VPS13A: variants seen among roughly 807,000 people sequenced by gnomAD.
VPS13A encodes the protein vacuolar protein sorting 13 homolog A.
A neutral mutation model predicts 390.9 loss-of-function variants in VPS13A; 264 were observed. The ratio of observed to expected loss-of-function variants is 0.68; its 90% CI spans 0.61 to 0.75. The LOEUF is 0.75. VPS13A is among the 30% of genes least tolerant of loss of function. The pLI is 0.00. For missense variants in VPS13A, 3,409 were observed against 3,733.9 expected (o/e 0.91, Z 2.27); for synonymous variants, 1,231 against 1,227.1 (o/e 1.00, Z -0.07).
chr9:77,247,212 G>C (rs758252662), intron 19 of VPS13A, 47 bp from the exon 20 acceptor site: 2 of 1,438,082 alleles, frequency 1.4e-6, no homozygotes, highest in Non-Finnish European at 9.5e-7. Context: ...TGTATTTCTC[G>C]AGTAATTTGT....
chr9:77,243,633 A>G (rs1444059415), intron 19 of VPS13A, among the ~76,000 whole-genome samples: 2 of 152,094 alleles, frequency 1.3e-5, no homozygotes, highest in African/African-American at 2.4e-5. Context: ...ATTTTCTTTC[A>G]GTTATTTCAT....
At chr9:77,264,441 T>C (rs1825924274) in intron 23 of VPS13A, among the ~76,000 whole-genome samples, 1 of 152,206 alleles carries the variant, frequency 6.6e-6, no homozygotes, top group South Asian at 2.1e-4. Context: ...GGAATGTCTT[T>C]CCATTTGTTT....
chr9:77,384,605 G>A (rs1833603323), intron 68 of VPS13A: 1 of 1,610,982 alleles, frequency 6.2e-7, no homozygotes, highest in Admixed American at 1.7e-5. Context: ...TCTACAGGGA[G>A]TGGATTATGA....
intron 35 of VPS13A, among the ~76,000 whole-genome samples, chr9:77,310,221 A>G (rs55672277): frequency 6.6e-6 from 1 of 152,124 alleles, no homozygotes; most frequent in African/African-American, 2.4e-5. Flanking sequence ...GGTTAAAAAA[A>G]CCTAGGCCTA....
At chr9:77,335,736 T>A (rs1830507168) in intron 46 of VPS13A, among the ~76,000 whole-genome samples, 3 of 152,172 alleles carry the variant, frequency 2.0e-5, no homozygotes, top group Admixed American at 1.3e-4. Flanking sequence ...GAAATAGGAA[T>A]GCTTTTACAC....
chr9:77,268,085 A>C (rs756412409), intron 23 of VPS13A, among the ~76,000 whole-genome samples: 26 of 152,232 alleles, frequency 1.7e-4, no homozygotes, highest in Non-Finnish European at 3.2e-4. Context: ...AGTGGATCTT[A>C]GCTTGCTGGG....
chr9:77,389,324 T>G (rs1474555626), intron 68 of VPS13A, among the ~76,000 whole-genome samples: 2 of 151,724 alleles, frequency 1.3e-5, no homozygotes, highest in South Asian at 2.1e-4. Flanking sequence ...TTTTTTTTTT[T>G]TGAGACAGAG....
intron 67 of VPS13A, among the ~76,000 whole-genome samples, chr9:77,372,307 G>A (rs1466398445): frequency 4.6e-5 from 7 of 151,884 alleles, no homozygotes; most frequent in Non-Finnish European, 1.0e-4. Context: ...ATCCTCTCCA[G>A]CACCTGTTGT....
chr9:77,285,567 A>G (rs1289235429), intron 31 of VPS13A, among the ~76,000 whole-genome samples: 2 of 152,218 alleles, frequency 1.3e-5, no homozygotes, highest in African/African-American at 4.8e-5. Context: ...ATTCTTGGTG[A>G]TGGGTACACA....
chr9:77,341,096 A>T (rs918143865), intron 50 of VPS13A, among the ~76,000 whole-genome samples: 1 of 152,182 alleles, frequency 6.6e-6, no homozygotes, highest in African/African-American at 2.4e-5. Flanking sequence ...TCTATTCATT[A>T]TTCCTTTTTG....
chr9:77,192,094 G>A (rs73464054), intron 1 of VPS13A, among the ~76,000 whole-genome samples: 1,927 of 152,202 alleles, frequency 0.013, 44 homozygotes, highest in African/African-American at 0.044. Context: ...TTATTGTTTT[G>A]TAATGCCCTT....
At chr9:77,195,092 A>G (rs1465584583) in intron 1 of VPS13A, among the ~76,000 whole-genome samples, 1 of 152,024 alleles carries the variant, frequency 6.6e-6, no homozygotes, top group Non-Finnish European at 1.5e-5. Flanking sequence ...TCTAAGTTTT[A>G]TAGTTTTCAG....
chr9:77,214,736 C>T (rs1053052291), intron 10 of VPS13A, among the ~76,000 whole-genome samples: 8 of 151,976 alleles, frequency 5.3e-5, no homozygotes, highest in Non-Finnish European at 7.4e-5. Flanking sequence ...CAGCCTTTTT[C>T]GAAATAGTAA....
At chr9:77,369,245 A>T (rs1420373084) in intron 62 of VPS13A, 54 bp from the exon 63 acceptor site, 1 of 1,392,424 alleles carries the variant, frequency 7.2e-7, no homozygotes, top group Non-Finnish European at 1.0e-6. Context: ...ATAATGTATA[A>T]GAAAAAATAG....
At chr9:77,356,133 A>T (rs770920967) in intron 54 of VPS13A, among the ~76,000 whole-genome samples, 3 of 152,116 alleles carry the variant, frequency 2.0e-5, no homozygotes, top group Non-Finnish European at 2.9e-5. Context: ...TTTATTTTCT[A>T]TTCCTAATGT....
At chr9:77,234,814 C>T (rs11145353) in intron 17 of VPS13A, among the ~76,000 whole-genome samples, 22,741 of 151,860 alleles carry the variant, frequency 0.15, 2,309 homozygotes, top group East Asian at 0.39. Context: ...ATTTCTTTTT[C>T]CAAACATATT....
Position 77,371,938 on chromosome 9 carries a change from G to T in VPS13A, c.9077+789G>T, listed in dbSNP as rs1251655705. Among the ~76,000 whole-genome samples, 28 of 144,818 alleles carry T rather than the reference G, an allele frequency of 1.9e-4. 1 individual carries two copies. The South Asian group carries it at 6.3e-3, about 33-fold the overall frequency. On this transcript the variant is annotated intron_variant, in intron 67 of 71. Coordinates refer to ENST00000360280, the MANE Select transcript of VPS13A (RefSeq NM_033305.3). ...GTTCTTGCGATAGTTTACTGAGAAT[G>T]ATGATTTCCAATTTCATCCATGTCC...
At chr9:77,230,084 T>C (rs1823739929) in intron 17 of VPS13A, among the ~76,000 whole-genome samples, 1 of 152,094 alleles carries the variant, frequency 6.6e-6, no homozygotes, top group Non-Finnish European at 1.5e-5. Context: ...TTTGGAGAAA[T>C]GTCTATTAGA....
chr9:77,326,934 T>C (rs1830045443), intron 45 of VPS13A, among the ~76,000 whole-genome samples: 1 of 152,166 alleles, frequency 6.6e-6, no homozygotes, highest in African/African-American at 2.4e-5. Flanking sequence ...ATTCTGTCCG[T>C]ACAGCTCTTG....
Sources: allele counts gnomAD v4.1 joint callset (sites outside exome capture counted in the v4.1 genomes callset), GRCh38; gene constraint gnomAD v4.1.1; transcripts MANE v1.5; gene names NCBI Gene and HGNC (gene_info 2026-07-23, HGNC 2026-07-21).